Variants in CFAP251 observed in about 807,000 individuals in gnomAD.
The protein encoded by CFAP251 is cilia- and flagella-associated protein 251.
In CFAP251, 93 loss-of-function variants were observed where a neutral mutation model predicts 126.7. That is an observed-to-expected ratio of 0.73 (90% confidence interval 0.62 to 0.87). The LOEUF is 0.87. Among genes scored for constraint, CFAP251 ranks in the 40% least tolerant of loss-of-function variants. The pLI is 0.00. For synonymous variants in CFAP251, 503 were observed against 506.9 expected (o/e 0.99, Z 0.10); for missense variants, 1,287 against 1,389.2 (o/e 0.93, Z 1.17).
intron 19 of CFAP251, among the ~76,000 whole-genome samples, chr12:121,988,095 AAAATATTTTAAATATTTTT>A (rs1220216799): frequency 6.6e-6 from 1 of 151,960 alleles, no homozygotes; most frequent in Non-Finnish European, 1.5e-5. Flanking sequence ...ATATATTTTA[AAAATATTTTAAATATTTTT>A]AAATATTTTT....
intron 21 of CFAP251, 44 bp downstream of exon 21, chr12:122,001,642 G>A (rs1883154751): frequency 6.7e-7 from 1 of 1,492,172 alleles, no homozygotes; most frequent in Non-Finnish European, 9.4e-7. Context: ...GTGGCTCACT[G>A]ATTTGTTGTA....
chr12:121,993,726 C>G (rs1882939688), intron 19 of CFAP251, among the ~76,000 whole-genome samples: 1 of 150,478 alleles, frequency 6.6e-6, no homozygotes, highest in Non-Finnish European at 1.5e-5. Context: ...AGACCCTCTG[C>G]CTGGCAACCA....
chr12:121,995,445 AT>A (rs1348601227), intron 19 of CFAP251, among the ~76,000 whole-genome samples: 1 of 152,232 alleles, frequency 6.6e-6, no homozygotes, highest in Admixed American at 6.5e-5. Flanking sequence ...AATATCAATT[AT>A]GTATCAATTA....
At chr12:121,932,593 T>G (rs1433790152) in intron 4 of CFAP251, 1 of 152,460 alleles carries the variant, frequency 6.6e-6, no homozygotes, top group East Asian at 1.9e-4. Flanking sequence ...CCTTGGTGTC[T>G]GACTTTCCAC....
chr12:121,956,572 T>C (rs1881734536), intron 10 of CFAP251, among the ~76,000 whole-genome samples: 1 of 152,202 alleles, frequency 6.6e-6, no homozygotes, highest in African/African-American at 2.4e-5. Context: ...CTCGGCTCAC[T>C]GCAAGCTCCG....
chr12:121,990,206 G>A (rs989284819), intron 19 of CFAP251, among the ~76,000 whole-genome samples: 1 of 152,194 alleles, frequency 6.6e-6, no homozygotes, highest in Non-Finnish European at 1.5e-5. Flanking sequence ...AAGCCAAGCT[G>A]GGCCTGCCCC....
In CFAP251 at chr12:121,998,432, AATATATATATATATATATATATATAT is replaced by A. The variant is rs71082926; in HGVS notation, c.3007-1253_3007-1228del. 806 of 85,654 alleles carry A rather than the reference AATATATATATATATATATATATATAT, an allele frequency of 9.4e-3. 14 individuals carry two copies. Among genetic ancestry groups the A allele is most frequent in the African/African-American group, 0.012 (278 of 22,422 alleles). 5.3% of individuals were successfully genotyped at this position (85,654 alleles called of 1,614,324 possible). ...TACCAGTTCTAATAGTTTTTAGTGTAATATATATATATATATATATATATATATATATATATATATATATATATATA... is the reference window on the plus strand; with the variant it reads ...TACCAGTTCTAATAGTTTTTAGTGTAATATATATATATATATATATATATA... On this transcript the variant is annotated intron_variant, in intron 19 of 21. Transcript: ENST00000288912.
At chr12:121,942,511 G>T in intron 5 of CFAP251, 23 bp from the exon 6 acceptor site, 2 of 1,576,708 alleles carry the variant, frequency 1.3e-6, no homozygotes, top group Non-Finnish European at 8.7e-7. Context: ...AGCAAGTGTC[G>T]CCCCCCTTGT....
At chr12:121,982,658 G>A (rs1201114169) in intron 19 of CFAP251, among the ~76,000 whole-genome samples, 1 of 152,144 alleles carries the variant, frequency 6.6e-6, no homozygotes, top group African/African-American at 2.4e-5. Context: ...GATTACAGGT[G>A]TGAGCCACTG....
rs1442406483 is a variant in CFAP251 at position 121,923,980 on chromosome 12, T to C, written c.737T>C (p.Val246Ala). ...ILFQKDKSTP[V>A]YPLTMTWSFG... ...TTTCAAAAGGATAAAAGCACCCCGG[T>C]GTATCCCTTGGTAAGTGTAATGCTT... Residue 246 changes from valine to alanine, a missense_variant, in exon 3 of 22, where the codon GTG becomes GCG. Coordinates refer to ENST00000288912, the MANE Select transcript of CFAP251 (RefSeq NM_144668.6). 1 of 1,608,038 alleles carries C rather than the reference T, an allele frequency of 6.2e-7. No individual in the cohort carries two copies. Among genetic ancestry groups the C allele is most frequent in the East Asian group, 2.2e-5 (1 of 44,792 alleles).
chr12:121,971,770 C>G, intron 17 of CFAP251: 2 of 597,898 alleles, frequency 3.3e-6, no homozygotes, highest in Middle Eastern at 3.0e-4. Flanking sequence ...TGGTTTGGCT[C>G]TGTGTTCCTA....
chr12:122,001,808 C>G, intron 21 of CFAP251: 2 of 574,164 alleles, frequency 3.5e-6, no homozygotes, highest in Admixed American at 5.8e-5. Context: ...CCTTTTGTTT[C>G]TTCTGGGCTT....
At chr12:121,977,827 T>TG (rs1270144692) in intron 19 of CFAP251, among the ~76,000 whole-genome samples, 1 of 144,196 alleles carries the variant, frequency 6.9e-6, no homozygotes, top group Non-Finnish European at 1.5e-5. Context: ...GGCGTGGTGG[T>TG]GGGCGCCTGT....
At chr12:121,988,582 G>A (rs549571205) in intron 19 of CFAP251, among the ~76,000 whole-genome samples, 27 of 152,218 alleles carry the variant, frequency 1.8e-4, no homozygotes, top group African/African-American at 6.5e-4. Context: ...TTATGATTGA[G>A]TAACATTCTA....
intron 9 of CFAP251, 150 bp from the exon 10 acceptor site, chr12:121,953,970 C>A: frequency 1.3e-6 from 1 of 756,034 alleles, no homozygotes; most frequent in Non-Finnish European, 2.1e-6. Context: ...TGGACCATGG[C>A]AATTCATGGG....
At chr12:121,984,734 G>A (rs1045392669) in intron 19 of CFAP251, among the ~76,000 whole-genome samples, 3 of 152,190 alleles carry the variant, frequency 2.0e-5, no homozygotes, top group African/African-American at 7.2e-5. Context: ...CTTTATAAAT[G>A]TGTCTTTTCC....
chr12:121,998,388 C>A (rs1255995755), intron 19 of CFAP251: 4 of 130,302 alleles, frequency 3.1e-5, no homozygotes, highest in African/African-American at 8.6e-5. Flanking sequence ...TTATACCCTG[C>A]AACCTTGCTG....
chr12:121,964,644 G>A (rs923285427), intron 15 of CFAP251, among the ~76,000 whole-genome samples: 1 of 151,494 alleles, frequency 6.6e-6, no homozygotes, highest in African/African-American at 2.4e-5. Flanking sequence ...GGTGGCTCAC[G>A]CCCCAGCATT....
At chr12:121,922,902 G>T (rs1361548773) in intron 2 of CFAP251, among the ~76,000 whole-genome samples, 1 of 152,018 alleles carries the variant, frequency 6.6e-6, no homozygotes, top group Non-Finnish European at 1.5e-5. Flanking sequence ...CTATTCTCCT[G>T]CCTCAGCCTC....
Sources: gnomAD v4.1 joint callset for allele counts (sites outside exome capture counted in the v4.1 genomes callset) on GRCh38, gnomAD v4.1.1 for gene constraint, MANE v1.5 for transcripts, NCBI Gene and HGNC (gene_info 2026-07-23, HGNC 2026-07-21) for gene names.